The following RNLS variants were observed in gnomAD, a reference collection of about 807,000 sequenced individuals.
RNLS encodes renalase, FAD dependent amine oxidase, also known as renalase.
In RNLS, 39 loss-of-function variants were observed where a neutral mutation model predicts 39.8. That is an observed-to-expected ratio of 0.98 (90% CI 0.76 to 1.28). RNLS has a LOEUF of 1.28. RNLS is among the 50% of genes most tolerant of loss of function. RNLS has a pLI of 0.00. For missense variants in RNLS, 410 were observed against 413.3 expected (o/e 0.99, Z 0.07); for synonymous variants, 147 against 150.7 (o/e 0.98, Z 0.18).
chr10:88,324,671 T>C (rs1387428293), intron 5 of RNLS, among the ~76,000 whole-genome samples: 1 of 152,140 alleles, frequency 6.6e-6, no homozygotes, highest in East Asian at 1.9e-4. Context: ...CATTACACAA[T>C]ATACGCATGT....
In RNLS at chr10:88,470,866, G is replaced by A. The variant is rs558674348; in HGVS notation, c.526+102037C>T. On this transcript the variant is annotated intron_variant, in intron 4 of 6. Coordinates refer to ENST00000331772, the MANE Select transcript of RNLS (RefSeq NM_001031709.3). The stretch of plus-strand genomic sequence containing the variant: ...CCTGACCTTGTGATCCACCCGCCTC[G>A]GCCTCCCAAAGTGCTGGGATTACAG... 5.9e-5 allele frequency among the ~76,000 whole-genome samples: 9 copies of A among 152,064 alleles called. No homozygotes were observed. In the South Asian group the frequency reaches 8.3e-4, roughly 14 times the overall value.
At chr10:88,320,454 C>T (rs1030682349) in intron 5 of RNLS, among the ~76,000 whole-genome samples, 2 of 148,860 alleles carry the variant, frequency 1.3e-5, no homozygotes, top group African/African-American at 5.0e-5. Flanking sequence ...CAATATTAAC[C>T]TTGAACATAA....
At chr10:88,261,385 A>T in the RNLS span, among the ~76,000 whole-genome samples, 1 of 152,202 alleles carries the variant, frequency 6.6e-6, no homozygotes, top group Non-Finnish European at 1.5e-5. Flanking sequence ...AGTGATTTCA[A>T]ACAACAAATA....
At chr10:88,247,605 A>C in the RNLS span, among the ~76,000 whole-genome samples, 1 of 152,236 alleles carries the variant, frequency 6.6e-6, no homozygotes, top group Non-Finnish European at 1.5e-5. Flanking sequence ...GTACATTAAA[A>C]AGTGGCAAAT....
the RNLS span, among the ~76,000 whole-genome samples, chr10:88,177,862 TTTGG>T: frequency 6.6e-6 from 1 of 152,172 alleles, no homozygotes; most frequent in South Asian, 2.1e-4. Context: ...TGGCCTAGGC[TTTGG>T]TTGTTTGTGG....
At chr10:88,222,373 T>G in the RNLS span, among the ~76,000 whole-genome samples, 1 of 152,152 alleles carries the variant, frequency 6.6e-6, no homozygotes, top group African/African-American at 2.4e-5. Context: ...TCCTGGTAGA[T>G]TATAAACTCC....
At chr10:88,515,369 G>T (rs1347352847) in intron 4 of RNLS, among the ~76,000 whole-genome samples, 2 of 151,864 alleles carry the variant, frequency 1.3e-5, no homozygotes, top group African/African-American at 4.8e-5. Context: ...TTACTTGCAG[G>T]GTCCAATTAT....
intron 4 of RNLS, among the ~76,000 whole-genome samples, chr10:88,379,569 T>G (rs1851291525): frequency 6.6e-6 from 1 of 152,190 alleles, no homozygotes; most frequent in Non-Finnish European, 1.5e-5. Flanking sequence ...TGATAACTAA[T>G]TTGCCAGATA....
chr10:88,398,629 C>T (rs986138414), intron 4 of RNLS, among the ~76,000 whole-genome samples: 2 of 151,960 alleles, frequency 1.3e-5, no homozygotes, highest in East Asian at 3.9e-4. Flanking sequence ...ACACGGTCTA[C>T]AAAAATCAAC....
At chr10:88,301,042 T>A (rs1396773385) in intron 6 of RNLS, among the ~76,000 whole-genome samples, 2 of 152,210 alleles carry the variant, frequency 1.3e-5, no homozygotes, top group Non-Finnish European at 2.9e-5. Flanking sequence ...GACTCCTTTT[T>A]AAAGTTTTTT....
At chr10:88,371,244 T>C (rs1251489928) in intron 4 of RNLS, among the ~76,000 whole-genome samples, 1 of 152,134 alleles carries the variant, frequency 6.6e-6, no homozygotes, top group East Asian at 1.9e-4. Context: ...AACAAGTGTA[T>C]TGCAAAAATC....
At chr10:88,508,934 C>T (rs1291960795) in intron 4 of RNLS, among the ~76,000 whole-genome samples, 2 of 151,878 alleles carry the variant, frequency 1.3e-5, no homozygotes, top group East Asian at 3.9e-4. Flanking sequence ...AGGCACTGCA[C>T]ATTTTTCCCT....
intron 4 of RNLS, among the ~76,000 whole-genome samples, chr10:88,555,782 G>A (rs1448026289): frequency 6.6e-6 from 1 of 151,918 alleles, no homozygotes; most frequent in African/African-American, 2.4e-5. Context: ...CACTTTCTTG[G>A]CCTATGGGAC....
At chr10:88,435,545 G>T (rs1012683642) in intron 4 of RNLS, among the ~76,000 whole-genome samples, 5 of 152,002 alleles carry the variant, frequency 3.3e-5, no homozygotes, top group Non-Finnish European at 5.9e-5. Flanking sequence ...AACATCCTAA[G>T]AATCTTGAGG....
chr10:88,261,029 A>C, the RNLS span, among the ~76,000 whole-genome samples: 1 of 152,208 alleles, frequency 6.6e-6, no homozygotes, highest in Admixed American at 6.5e-5. Flanking sequence ...CAGACTTGAG[A>C]AGAAGGATGG....
intron 4 of RNLS, among the ~76,000 whole-genome samples, chr10:88,556,189 C>A (rs1029092018): frequency 9.9e-5 from 15 of 152,130 alleles, no homozygotes; most frequent in Admixed American, 8.5e-4. Flanking sequence ...ACAGTGATTT[C>A]ACTCTGGAAA....
the RNLS span, among the ~76,000 whole-genome samples, chr10:88,267,650 A>C: frequency 1.3e-5 from 2 of 152,166 alleles, no homozygotes; most frequent in Admixed American, 1.3e-4. Flanking sequence ...CCACCAATAC[A>C]TACTTTAAGT....
chr10:88,492,459 T>A (rs1589889271), intron 4 of RNLS, among the ~76,000 whole-genome samples: 1 of 145,694 alleles, frequency 6.9e-6, no homozygotes, highest in African/African-American at 2.5e-5. Context: ...TGCTCTGCCA[T>A]CCAGGCTGGA....
At chr10:88,567,450 G>T (rs1482741907) in intron 4 of RNLS, among the ~76,000 whole-genome samples, 3 of 152,152 alleles carry the variant, frequency 2.0e-5, no homozygotes, top group Non-Finnish European at 1.5e-5. Flanking sequence ...TTAAATATTG[G>T]AGTATGTAAT....
Sources: gnomAD v4.1 joint callset for allele counts (sites outside exome capture counted in the v4.1 genomes callset) on GRCh38, gnomAD v4.1.1 for gene constraint, MANE v1.5 for transcripts, NCBI Gene and HGNC (gene_info 2026-07-23, HGNC 2026-07-21) for gene names.